Variants in SLC35F4 observed in about 807,000 individuals in gnomAD.
The protein encoded by SLC35F4 is chromosome 14 open reading frame 36.
Under a neutral mutation model 44.2 loss-of-function variants are expected in SLC35F4, and 24 were observed. That is an observed-to-expected ratio of 0.54 (90% CI 0.39 to 0.76). The LOEUF (loss-of-function observed/expected upper bound fraction) is 0.76, where lower values mean the gene tolerates loss of function less well. Among genes scored for constraint, SLC35F4 ranks in the 30% least tolerant of loss-of-function variants. The probability of loss-of-function intolerance (pLI) is 0.00; values close to 1 mark genes in which losing one functional copy is unlikely to be tolerated. For synonymous variants in SLC35F4, 238 were observed against 223.6 expected (o/e 1.06, Z -0.57); for missense variants, 562 against 586.1 (o/e 0.96, Z 0.42).
At chr14:57,584,474 T>C (rs2069542976) in intron 3 of SLC35F4, among the ~76,000 whole-genome samples, 3 of 152,142 alleles carry the variant, frequency 2.0e-5, no homozygotes, top group Non-Finnish European at 1.5e-5. Flanking sequence ...ATGGTATTAA[T>C]GAGTCTACAG....
intron 1 of SLC35F4, among the ~76,000 whole-genome samples, chr14:57,635,986 C>A (rs548937048): frequency 2.0e-5 from 3 of 152,218 alleles, no homozygotes; most frequent in Admixed American, 2.0e-4. Context: ...GTTAAAACAG[C>A]TTTTACTTCC....
chr14:57,887,789 G>C (rs1888681028), intron 1 of SLC35F4, among the ~76,000 whole-genome samples: 1 of 152,210 alleles, frequency 6.6e-6, no homozygotes, highest in South Asian at 2.1e-4. Context: ...TTATTCTCAA[G>C]AGGGAGCCTC....
chr14:57,830,764 A>G (rs1157413784), intron 1 of SLC35F4, among the ~76,000 whole-genome samples: 3 of 152,092 alleles, frequency 2.0e-5, no homozygotes, highest in African/African-American at 7.2e-5. Flanking sequence ...TGGTTACAAA[A>G]ACAGACCATG....
intron 1 of SLC35F4, among the ~76,000 whole-genome samples, chr14:57,717,591 G>A (rs900549592): frequency 2.0e-5 from 3 of 152,172 alleles, no homozygotes; most frequent in Admixed American, 6.5e-5. Flanking sequence ...AGCCGAGATC[G>A]CGCCACTGCA....
intron 1 of SLC35F4, among the ~76,000 whole-genome samples, chr14:57,684,567 T>G (rs1373893179): frequency 1.3e-5 from 2 of 152,172 alleles, no homozygotes; most frequent in African/African-American, 4.8e-5. Context: ...GCTCACCTCC[T>G]GCTGTGTAGC....
chr14:57,573,784 C>A (rs914522332), intron 4 of SLC35F4, among the ~76,000 whole-genome samples: 1 of 152,152 alleles, frequency 6.6e-6, no homozygotes, highest in Non-Finnish European at 1.5e-5. Flanking sequence ...GGTTAGTGTT[C>A]ATGTGCACAA....
intron 1 of SLC35F4, among the ~76,000 whole-genome samples, chr14:57,613,967 T>C (rs2071661173): frequency 6.6e-6 from 1 of 152,260 alleles, no homozygotes; most frequent in African/African-American, 2.4e-5. Flanking sequence ...TGGTGCCTTT[T>C]CACCTAGAAG....
downstream of SLC35F4, among the ~76,000 whole-genome samples, chr14:57,974,394 A>G (rs775492305): frequency 1.3e-5 from 2 of 152,322 alleles, no homozygotes; most frequent in Non-Finnish European, 2.9e-5. Flanking sequence ...TGTTAGTGAA[A>G]TAAGTCATTA....
At chr14:57,736,396 A>G (rs10144937) in intron 1 of SLC35F4, among the ~76,000 whole-genome samples, 8,484 of 152,282 alleles carry the variant, frequency 0.056, 793 homozygotes, top group African/African-American at 0.19. Flanking sequence ...TTACAATACC[A>G]GCTGTGATAT....
intron 1 of SLC35F4, among the ~76,000 whole-genome samples, chr14:57,629,020 C>A (rs539763537): frequency 6.6e-6 from 1 of 152,240 alleles, no homozygotes; most frequent in East Asian, 1.9e-4. Context: ...AGGAAAACAG[C>A]ATTTACCATC....
At chr14:57,706,955 G>A (rs779205586) in intron 1 of SLC35F4, among the ~76,000 whole-genome samples, 2 of 152,206 alleles carry the variant, frequency 1.3e-5, no homozygotes, top group African/African-American at 2.4e-5. Flanking sequence ...GCAATAGAAA[G>A]GTTAGATTAA....
Position 57,681,669 on chromosome 14 carries a change from A to G in SLC35F4, c.104-87545T>C, listed in dbSNP as rs148749605. 8.9e-3 allele frequency among the ~76,000 whole-genome samples: 1,359 copies of G among 152,234 alleles called. 35 individuals are homozygous for G. The highest frequency in any genetic ancestry group is 0.031 in the African/African-American group (1,276 of 41,492). Reference sequence around the variant, plus strand: ...TTGACAAATGGGATCTGATTAAACTAAAGAGTTTCTGTAGGACAAAAGTAT... The same window carrying G: ...TTGACAAATGGGATCTGATTAAACTGAAGAGTTTCTGTAGGACAAAAGTAT... On this transcript the variant is annotated intron_variant, in intron 1 of 7. Transcript: ENST00000556826.
At position 57,956,119 on chromosome 14, in the gene SLC35F4, G is replaced by C. The variant is rs192127509; in HGVS notation, n.282+25794C>G. ...TATAGACCAATGGAACAGAACAGAGGCCTCAGAAATAATGCCACACATCTT... is the reference window on the plus strand; with the variant it reads ...TATAGACCAATGGAACAGAACAGAGCCCTCAGAAATAATGCCACACATCTT... On this transcript the variant is annotated intron_variant and non_coding_transcript_variant, in intron 1 of 1. Coordinates refer to the SLC35F4 transcript ENST00000556568. Among the ~76,000 whole-genome samples the C allele has an allele frequency of 4.4e-4, 67 of 152,084 alleles. No individual in the cohort carries two copies. The East Asian group carries it at 0.012, about 26-fold the overall frequency.
chr14:57,865,989 A>AGCG lies in SLC35F4; in HGVS notation c.-167_-165dup, dbSNP rs572660364. On this transcript the variant is annotated 5_prime_UTR_variant, in exon 1 of 8. Coordinates refer to ENST00000556826, the MANE Select transcript of SLC35F4 (RefSeq NM_001306087.2). ...CGGCGCAGCACCGGCTCCGCATCAC[A>AGCG]GCGGCGGCGGCGGCGGCGGCGGCGG... 0.05 allele frequency: 18,474 copies of AGCG among 372,730 alleles called. 638 individuals are homozygous for AGCG. Among genetic ancestry groups the AGCG allele is most frequent in the African/African-American group, 0.13 (6,112 of 45,712 alleles). The allele number at this position is 372,730 out of a possible 1,614,324, so 23.1% of individuals were successfully genotyped here.
At chr14:57,944,138 C>T (rs1889966366) in intron 1 of SLC35F4, among the ~76,000 whole-genome samples, 1 of 152,196 alleles carries the variant, frequency 6.6e-6, no homozygotes, top group South Asian at 2.1e-4. Context: ...TGTTCAGCCT[C>T]CCTTTCTGAT....
chr14:57,921,020 G>T (rs963273272), intron 1 of SLC35F4, among the ~76,000 whole-genome samples: 3 of 152,198 alleles, frequency 2.0e-5, no homozygotes, highest in Non-Finnish European at 4.4e-5. Flanking sequence ...ATGTTAATGT[G>T]TTCTCCTATT....
At chr14:57,913,835 C>A (rs73298658) in intron 1 of SLC35F4, among the ~76,000 whole-genome samples, 7 of 152,122 alleles carry the variant, frequency 4.6e-5, no homozygotes, top group African/African-American at 1.7e-4. Context: ...CTCTGAAGAA[C>A]TTCTTTTAAC....
At chr14:57,594,948 G>A (rs1408488454) in intron 1 of SLC35F4, among the ~76,000 whole-genome samples, 1 of 152,150 alleles carries the variant, frequency 6.6e-6, no homozygotes, top group African/African-American at 2.4e-5. Context: ...GGCCCATCCT[G>A]CCACTTCCCA....
At chr14:57,695,560 T>G (rs567628612) in intron 1 of SLC35F4, among the ~76,000 whole-genome samples, 4,391 of 151,448 alleles carry the variant, frequency 0.029, 206 homozygotes, top group African/African-American at 0.1. Context: ...GGAACACTTT[T>G]ACACTGTTGG....
Sources: gnomAD v4.1 joint callset for allele counts (sites outside exome capture counted in the v4.1 genomes callset) on GRCh38, gnomAD v4.1.1 for gene constraint, MANE v1.5 for transcripts, NCBI Gene and HGNC (gene_info 2026-07-23, HGNC 2026-07-21) for gene names.